The following WSCD1 variants were observed in gnomAD, a reference collection of about 807,000 sequenced individuals.
The protein encoded by WSCD1 is WSC domain sialate O sulfotransferase 1, also known as sialate:O-sulfotransferase 1.
In WSCD1, 41 loss-of-function variants were observed where a neutral mutation model predicts 60.4. That is an observed-to-expected ratio of 0.68 (90% CI 0.53 to 0.88). WSCD1 has a LOEUF of 0.88. WSCD1 is among the 40% of genes least tolerant of loss of function. The pLI is 0.00. For missense variants in WSCD1, 784 were observed against 796.2 expected, an observed-to-expected ratio of 0.98 and a Z score of 0.18; for synonymous variants, 361 against 332.5, an observed-to-expected ratio of 1.09 and a Z score of -0.93.
At chr17:6,096,412 C>T (rs1158063019) in intron 5 of WSCD1, among the ~76,000 whole-genome samples, 6 of 152,154 alleles carry the variant, frequency 3.9e-5, no homozygotes, top group Non-Finnish European at 5.9e-5. Flanking sequence ...TGTGTTCCTC[C>T]GCACTCTGGG....
intron 5 of WSCD1, among the ~76,000 whole-genome samples, chr17:6,105,994 T>C (rs1911066607): frequency 6.6e-6 from 1 of 152,124 alleles, no homozygotes; most frequent in Non-Finnish European, 1.5e-5. Context: ...TCTGGTGCAA[T>C]TGGGATTTGG....
intron 7 of WSCD1, among the ~76,000 whole-genome samples, chr17:6,113,306 T>G (rs1911509982): frequency 6.6e-6 from 1 of 152,198 alleles, no homozygotes; most frequent in Non-Finnish European, 1.5e-5. Context: ...TGCAGAAGAC[T>G]GAAGATATAC....
chr17:6,095,501 A>G (rs1172114931), intron 5 of WSCD1, among the ~76,000 whole-genome samples: 1 of 152,248 alleles, frequency 6.6e-6, no homozygotes, highest in Non-Finnish European at 1.5e-5. Context: ...TCTTGCCACA[A>G]GTGTCAGATG....
chr17:6,098,554 G>A (rs1435437859), intron 5 of WSCD1, among the ~76,000 whole-genome samples: 1 of 152,182 alleles, frequency 6.6e-6, no homozygotes, highest in Non-Finnish European at 1.5e-5. Flanking sequence ...TACATGGAAA[G>A]GGCATCCAGG....
chr17:6,109,839 G>T, intron 6 of WSCD1, 73 bp downstream of exon 6: 1 of 1,555,208 alleles, frequency 6.4e-7, no homozygotes. Context: ...GTTTGGAGAT[G>T]CCAGTCATGG....
Position 6,110,907 on chromosome 17 carries a change from CT to C in WSCD1, c.1147del (p.Tyr383ThrfsTer45), listed in dbSNP as rs866411117. Reference protein sequence around the residue: ...HATGFYTGSYYFDGTLYNKGF... With the variant: ...HATGFYTGSYXFDGTLYNKGF... Reference sequence around the variant, plus strand: ...CCACTGGCTTCTATACAGGGAGCTACTACTTTGATGGAACCCTCTACAACAA... The same window carrying C: ...CCACTGGCTTCTATACAGGGAGCTACACTTTGATGGAACCCTCTACAACAA... On this transcript the variant is annotated frameshift_variant, in exon 7 of 9. Coordinates refer to ENST00000317744, the MANE Select transcript of WSCD1 (RefSeq NM_015253.2). LOFTEE classifies it high-confidence loss of function. The surrounding 1 kb of genome is among the most constrained non-coding windows in gnomAD (Gnocchi z 4.8). 5.0e-6 allele frequency: 8 copies of C among 1,610,596 alleles called. No individual in the cohort carries two copies. The African/African-American group carries it at 1.1e-4, about 22-fold the overall frequency.
chr17:6,099,555 A>G (rs972780354), intron 5 of WSCD1, among the ~76,000 whole-genome samples: 3 of 151,976 alleles, frequency 2.0e-5, no homozygotes, highest in Admixed American at 1.3e-4. Context: ...TTCACTCAAT[A>G]TGGTGATTCC....
intron 1 of WSCD1, among the ~76,000 whole-genome samples, chr17:6,078,581 C>T (rs1053121893): frequency 4.7e-5 from 7 of 150,236 alleles, no homozygotes; most frequent in African/African-American, 7.3e-5. Context: ...TGTGTGTGTG[C>T]GTGTGTGTGC....
chr17:6,079,095 C>T (rs922060310), intron 1 of WSCD1, among the ~76,000 whole-genome samples: 1 of 152,222 alleles, frequency 6.6e-6, no homozygotes, highest in East Asian at 1.9e-4. Flanking sequence ...CGGAACCTGG[C>T]GGCCCTCGCC....
rs200921284 is a variant in WSCD1 at position 6,080,625 on chromosome 17, G to A, written c.-34G>A. On this transcript the variant is annotated 5_prime_UTR_variant, in exon 2 of 9. Transcript: ENST00000317744. This position sits in a 1 kb window ranked among gnomAD's most constrained non-coding sequence, Gnocchi z 6.6. ...CCACCTGGGCGCTAGGAGCCATCCC[G>A]GGGCTCCAGCCAGGAGCCCTGCTGC... 1,143 of 1,605,680 alleles carry A rather than the reference G, an allele frequency of 7.1e-4. 5 individuals carry two copies. The Middle Eastern group carries it at 0.015, about 21-fold the overall frequency.
At position 6,082,292 on chromosome 17, in the gene WSCD1, C is replaced by T. The variant is rs145624989; in HGVS notation, c.427+1207C>T. ...ATCCCAGGGAACACTAGTGGGGGCG[C>T]GGGAAGTGGGACAGGGAAGGGAAGG... is the stretch of plus-strand genomic sequence containing the variant. On this transcript the variant is annotated intron_variant, in intron 2 of 8. Coordinates refer to ENST00000317744, the MANE Select transcript of WSCD1 (RefSeq NM_015253.2). Among the ~76,000 whole-genome samples, 1,383 of 152,132 alleles carry T rather than the reference C, an allele frequency of 9.1e-3. 13 individuals carry two copies. Among genetic ancestry groups the T allele is most frequent in the Middle Eastern group, 0.037 (11 of 294 alleles).
chr17:6,079,169 G>A (rs985015120), intron 1 of WSCD1, among the ~76,000 whole-genome samples: 9 of 152,200 alleles, frequency 5.9e-5, no homozygotes, highest in African/African-American at 2.2e-4. Flanking sequence ...CTTTCTGGGG[G>A]CCTGGAATGC....
intron 1 of WSCD1, among the ~76,000 whole-genome samples, chr17:6,072,250 A>G (rs1908589806): frequency 6.6e-6 from 1 of 152,218 alleles, no homozygotes; most frequent in African/African-American, 2.4e-5. Flanking sequence ...TGTCTTCCTA[A>G]CCGAGCAGAA....
chr17:6,090,181 A>T, intron 3 of WSCD1, 140 bp from the exon 4 acceptor site: 1 of 881,382 alleles, frequency 1.1e-6, no homozygotes, highest in Non-Finnish European at 1.6e-6. Flanking sequence ...CATGTACCCT[A>T]AAACTTAAAG....
At position 6,070,397 on chromosome 17, in the gene WSCD1, T is replaced by TCGCG. The variant is rs1908454225; in HGVS notation, c.-541_-540insGCGC. 1 of 145,800 alleles carries TCGCG rather than the reference T, an allele frequency of 6.9e-6. No individual in the cohort carries two copies. Among genetic ancestry groups the TCGCG allele is most frequent in the Non-Finnish European group, 1.5e-5 (1 of 65,540 alleles). The allele number at this position is 145,800 out of a possible 1,614,324, so 9.0% of individuals were successfully genotyped here. A position where few individuals can be genotyped will look rare whatever the true frequency, so the allele number is the denominator to read the frequency against. ...AGCATGTGCAGAGCCCGGCGCCCGCTCGCCCGCCCGCTGCCCGCCCCGGCT... is the reference window on the plus strand; with the variant it reads ...AGCATGTGCAGAGCCCGGCGCCCGCTCGCGCGCCCGCCCGCTGCCCGCCCCGGCT... On this transcript the variant is annotated 5_prime_UTR_variant, in exon 1 of 9. Coordinates refer to ENST00000317744, the MANE Select transcript of WSCD1 (RefSeq NM_015253.2).
chr17:6,103,218 G>T lies in WSCD1; in HGVS notation c.850-6389G>T, dbSNP rs116520670. On this transcript the variant is annotated intron_variant, in intron 5 of 8. Transcript: ENST00000317744. ...GAGGATTCAGTGACTTTGTGGGCAC[G>T]AACAGTTTTGTGATTTATGTTTTGG... 3.8e-3 allele frequency among the ~76,000 whole-genome samples: 573 copies of T among 152,312 alleles called. 2 individuals carry two copies. Among genetic ancestry groups the T allele is most frequent in the African/African-American group, 0.013 (547 of 41,566 alleles).
Position 6,122,253 on chromosome 17 carries a change from C to G in WSCD1, c.*1592C>G, listed in dbSNP as rs748681125. On this transcript the variant is annotated 3_prime_UTR_variant, in exon 9 of 9. Transcript: ENST00000317744. Reference sequence around the variant, plus strand: ...GGGGTGGAAGGCCCAGTAGAGCTGCCCTTCCCCAGATGGAAGCTTCCTCCA... The same window carrying G: ...GGGGTGGAAGGCCCAGTAGAGCTGCGCTTCCCCAGATGGAAGCTTCCTCCA... 1 of 152,236 alleles carries G rather than the reference C, an allele frequency of 6.6e-6. No individual in the cohort carries two copies. The highest frequency in any genetic ancestry group is 1.9e-4 in the East Asian group (1 of 5,178). 9.4% of individuals were successfully genotyped at this position (152,236 alleles called of 1,614,324 possible). A position where few individuals can be genotyped will look rare whatever the true frequency, so the allele number is the denominator to read the frequency against.
chr17:6,120,522 G>A lies in WSCD1; in HGVS notation c.1589G>A (p.Arg530Gln), dbSNP rs267604994. 45 of 1,613,716 alleles carry A rather than the reference G, an allele frequency of 2.8e-5. No homozygotes were observed. Among genetic ancestry groups the A allele is most frequent in the Non-Finnish European group, 3.6e-5 (42 of 1,179,992 alleles). ...AACAACAAGGAGGGCAGCTTCCGGC[G>A]GCGCGGCCGGCGCTCCCACGACCCT... ...VENNKEGSFR[R>Q]RGRRSHDPEP... Residue 530 changes from arginine to glutamine, a missense_variant, in exon 9 of 9, where the codon CGG becomes CAG. Physicochemically the swap from Arg to Gln is conservative, Grantham distance 43. Transcript: ENST00000317744.
intron 5 of WSCD1, among the ~76,000 whole-genome samples, chr17:6,097,952 C>CTT (rs796614298): frequency 1.7e-5 from 2 of 117,886 alleles, no homozygotes; most frequent in Non-Finnish European, 3.4e-5. Flanking sequence ...AGAGTTCTTT[C>CTT]TTTTTTTTTT....
Sources: allele counts gnomAD v4.1 joint callset (sites outside exome capture counted in the v4.1 genomes callset), GRCh38; gene constraint gnomAD v4.1.1; non-coding constraint Gnocchi (gnomAD v3.1); transcripts MANE v1.5; gene names NCBI Gene and HGNC (gene_info 2026-07-23, HGNC 2026-07-21).